The following ARHGAP10 variants were observed in gnomAD, a reference collection of about 807,000 sequenced individuals.
The protein encoded by ARHGAP10 is Rho GTPase activating protein 10.
Under a neutral mutation model 108.6 loss-of-function variants are expected in ARHGAP10, and 87 were observed. The observed-to-expected ratio is 0.80, with a 90% confidence interval of 0.67 to 0.96. The LOEUF (loss-of-function observed/expected upper bound fraction) is 0.96, where lower values mean the gene tolerates loss of function less well. Among genes scored for constraint, ARHGAP10 ranks in the 40% least tolerant of loss-of-function variants. ARHGAP10 has a pLI of 0.00. For synonymous variants in ARHGAP10, 347 were observed against 341.1 expected (o/e 1.02, Z -0.19); for missense variants, 939 against 954.5 (o/e 0.98, Z 0.21).
At chr4:147,765,077 C>T (rs910763466) in intron 1 of ARHGAP10, among the ~76,000 whole-genome samples, 7 of 151,998 alleles carry the variant, frequency 4.6e-5, no homozygotes, top group African/African-American at 1.7e-4. Context: ...TCGTAGATTC[C>T]AAGTTAATTT....
At chr4:147,868,732 A>G (rs925902424) in intron 7 of ARHGAP10, among the ~76,000 whole-genome samples, 2 of 152,166 alleles carry the variant, frequency 1.3e-5, no homozygotes, top group Non-Finnish European at 2.9e-5. Flanking sequence ...ACCTCAGGTC[A>G]TCAGGCATTA....
intron 18 of ARHGAP10, among the ~76,000 whole-genome samples, chr4:147,993,637 A>G (rs976260439): frequency 2.6e-5 from 4 of 152,330 alleles, no homozygotes; most frequent in African/African-American, 9.6e-5. Flanking sequence ...TGGACCTACA[A>G]GGAGCCTGTC....
intron 9 of ARHGAP10, among the ~76,000 whole-genome samples, chr4:147,879,915 G>A (rs1735257768): frequency 1.3e-5 from 2 of 152,166 alleles, no homozygotes; most frequent in African/African-American, 4.8e-5. Context: ...TTATACAATG[G>A]AACTGACTTG....
intron 10 of ARHGAP10, among the ~76,000 whole-genome samples, chr4:147,895,423 G>A (rs1735953311): frequency 6.8e-6 from 1 of 147,100 alleles, no homozygotes; most frequent in Admixed American, 7.1e-5. Flanking sequence ...TGTAATCCCA[G>A]CACTTTAGAA....
At chr4:147,773,652 G>A (rs993123041) in intron 1 of ARHGAP10, among the ~76,000 whole-genome samples, 6 of 152,044 alleles carry the variant, frequency 3.9e-5, no homozygotes, top group East Asian at 3.8e-4. Flanking sequence ...TCTGTTTTTC[G>A]TGGGCAGAAC....
chr4:147,905,951 T>C (rs946637640), intron 10 of ARHGAP10, among the ~76,000 whole-genome samples: 2 of 152,204 alleles, frequency 1.3e-5, no homozygotes, highest in African/African-American at 2.4e-5. Context: ...TCCTTCACGT[T>C]CCTTGTAAGT....
At chr4:147,952,707 G>C (rs1738651197) in intron 15 of ARHGAP10, among the ~76,000 whole-genome samples, 1 of 151,946 alleles carries the variant, frequency 6.6e-6, no homozygotes, top group South Asian at 2.1e-4. Flanking sequence ...TCTGTGACTT[G>C]TCTTTTTGTT....
chr4:147,861,976 G>A (rs1274197799), intron 5 of ARHGAP10: 2 of 152,232 alleles, frequency 1.3e-5, no homozygotes, highest in Non-Finnish European at 2.9e-5. Flanking sequence ...CTGGCTTGAA[G>A]CTGGGGTTTC....
chr4:147,825,723 C>A (rs1358308748), intron 3 of ARHGAP10, among the ~76,000 whole-genome samples: 2 of 152,054 alleles, frequency 1.3e-5, no homozygotes, highest in Non-Finnish European at 2.9e-5. Flanking sequence ...GTACATGGAG[C>A]CGATGTGTGG....
chr4:147,884,893 A>C (rs1735480291), intron 10 of ARHGAP10, among the ~76,000 whole-genome samples: 1 of 152,216 alleles, frequency 6.6e-6, no homozygotes, highest in South Asian at 2.1e-4. Flanking sequence ...AGTGAGTGAC[A>C]ATTATATTTG....
At chr4:147,752,272 G>A (rs1036861374) in intron 1 of ARHGAP10, among the ~76,000 whole-genome samples, 3 of 152,156 alleles carry the variant, frequency 2.0e-5, no homozygotes, top group African/African-American at 7.2e-5. Context: ...GTGTAAAGTC[G>A]TGGGGTTGTA....
chr4:147,868,910 T>C (rs1382803693), intron 7 of ARHGAP10, among the ~76,000 whole-genome samples: 3 of 152,114 alleles, frequency 2.0e-5, no homozygotes, highest in Admixed American at 2.0e-4. Context: ...CATGGACCGG[T>C]ACCTGTCGGC....
rs200184056 is a variant in ARHGAP10, at chr4:148,072,066, C to A, written c.2346C>A (p.Tyr782Ter). 6.2e-7 allele frequency: 1 copy of A among 1,612,926 alleles called. No homozygotes were observed. Among genetic ancestry groups the A allele is most frequent in the Non-Finnish European group, 8.5e-7 (1 of 1,179,680 alleles). ...NGKRGLIPQNYVKLL is the reference protein window; with the variant it reads ...NGKRGLIPQN ...AGAGGGGGCTGATTCCACAGAACTA[C>A]GTCAAGCTGCTGTAGCTCCTGGCCT... The change falls in exon 23 of 23, where the codon TAC becomes TAA. Residue 782 changes from tyrosine (Y) to a stop codon, truncating the protein, a stop_gained. Transcript: ENST00000336498. LOFTEE classifies it high-confidence loss of function.
chr4:147,828,908 G>A (rs907201727), intron 3 of ARHGAP10, among the ~76,000 whole-genome samples: 3 of 146,990 alleles, frequency 2.0e-5, no homozygotes, highest in African/African-American at 5.0e-5. Flanking sequence ...ATGGAGTTTC[G>A]TTCTTGTTGC....
intron 1 of ARHGAP10, among the ~76,000 whole-genome samples, chr4:147,758,969 T>C (rs1315829700): frequency 7.0e-6 from 1 of 142,832 alleles, no homozygotes; most frequent in Admixed American, 7.1e-5. Context: ...ACAGACTCTG[T>C]CTCAAAAAAA....
At position 147,783,148 on chromosome 4, in the gene ARHGAP10, A is replaced by AATTATATATTGTATAATTTATATAACAC. The variant is rs1730625654; in HGVS notation, c.155-39574_155-39547dup. On this transcript the variant is annotated intron_variant, in intron 1 of 22. Transcript: ENST00000336498. ...TATATAATTTATATAACACACATTA[A>AATTATATATTGTATAATTTATATAACAC]ATTATATATTGTATAATTTATATAA... 2.8e-5 allele frequency among the ~76,000 whole-genome samples: 4 copies of AATTATATATTGTATAATTTATATAACAC among 141,174 alleles called. No homozygotes were observed. In the Admixed American group the frequency reaches 3.1e-4, roughly 11 times the overall value. 92.6% of individuals were successfully genotyped at this position (141,174 alleles called of 152,430 possible).
chr4:147,911,648 C>A (rs879731844), intron 12 of ARHGAP10, among the ~76,000 whole-genome samples: 1 of 152,096 alleles, frequency 6.6e-6, no homozygotes, highest in Non-Finnish European at 1.5e-5. Flanking sequence ...AGGCGTGAGC[C>A]ACCGCGCCTG....
chr4:147,935,284 G>C (rs1216425316), intron 13 of ARHGAP10, among the ~76,000 whole-genome samples: 1 of 152,214 alleles, frequency 6.6e-6, no homozygotes, highest in Non-Finnish European at 1.5e-5. Flanking sequence ...GGATCTGAAG[G>C]CTGGCTCTTA....
At chr4:148,066,870 G>T (rs189045722) in intron 22 of ARHGAP10, among the ~76,000 whole-genome samples, 1 of 152,356 alleles carries the variant, frequency 6.6e-6, no homozygotes, top group Non-Finnish European at 1.5e-5. Context: ...ACGTATGGGG[G>T]AGAGGCTGCT....
Sources: gnomAD v4.1 joint callset for allele counts (sites outside exome capture counted in the v4.1 genomes callset) on GRCh38, gnomAD v4.1.1 for gene constraint, MANE v1.5 for transcripts, NCBI Gene and HGNC (gene_info 2026-07-23, HGNC 2026-07-21) for gene names.